Variants in CPNE8 observed in about 807,000 individuals in gnomAD.
The protein encoded by CPNE8 is copine 8.
Under a neutral mutation model 81.5 loss-of-function variants are expected in CPNE8, and 45 were observed. The observed-to-expected ratio is 0.55, with a 90% confidence interval of 0.44 to 0.71. The LOEUF (loss-of-function observed/expected upper bound fraction) is 0.71. Among genes scored for constraint, CPNE8 ranks in the 30% least tolerant of loss-of-function variants. The pLI is 0.00. For missense variants in CPNE8, 594 were observed against 672.1 expected, an observed-to-expected ratio of 0.88 and a Z score of 1.28; for synonymous variants, 252 against 226.3, an observed-to-expected ratio of 1.11 and a Z score of -1.02.
At chr12:38,849,277 G>A (rs1416608259) in intron 3 of CPNE8, among the ~76,000 whole-genome samples, 2 of 152,116 alleles carry the variant, frequency 1.3e-5, no homozygotes, top group Non-Finnish European at 2.9e-5. Context: ...TTAGAAAAGT[G>A]GAAAACAGGA....
intron 13 of CPNE8, among the ~76,000 whole-genome samples, chr12:38,704,919 T>G (rs1203885660): frequency 7.1e-6 from 1 of 140,844 alleles, no homozygotes; most frequent in African/African-American, 2.6e-5. Context: ...TAGTTTAGTT[T>G]TTTTTTTTTT....
chr12:38,850,096 C>T (rs1363885530), intron 3 of CPNE8, among the ~76,000 whole-genome samples: 3 of 152,052 alleles, frequency 2.0e-5, no homozygotes, highest in Non-Finnish European at 1.5e-5. Context: ...ACCCAAATAA[C>T]CAGGGGCTGG....
chr12:38,815,923 A>G (rs1943016206), intron 6 of CPNE8, among the ~76,000 whole-genome samples: 1 of 152,206 alleles, frequency 6.6e-6, no homozygotes, highest in Non-Finnish European at 1.5e-5. Context: ...TTAAAAATAA[A>G]CAATTATTGA....
At chr12:38,763,493 C>T (rs993161117) in intron 8 of CPNE8, among the ~76,000 whole-genome samples, 1 of 152,170 alleles carries the variant, frequency 6.6e-6, no homozygotes, top group African/African-American at 2.4e-5. Context: ...ATAGAAAGAC[C>T]ATTTAGTGTG....
At chr12:38,697,768 G>A (rs969398656) in intron 14 of CPNE8, among the ~76,000 whole-genome samples, 5 of 151,922 alleles carry the variant, frequency 3.3e-5, no homozygotes, top group African/African-American at 9.7e-5. Flanking sequence ...GTTAGTTCAC[G>A]TGAGAGGTGG....
chr12:38,696,690 A>G (rs188133583), intron 14 of CPNE8, among the ~76,000 whole-genome samples: 259 of 152,324 alleles, frequency 1.7e-3, no homozygotes, highest in African/African-American at 5.9e-3. Context: ...TCACAGTTCA[A>G]TAGAATATTT....
intron 6 of CPNE8, among the ~76,000 whole-genome samples, chr12:38,785,853 G>T (rs996444890): frequency 2.0e-5 from 3 of 152,002 alleles, no homozygotes; most frequent in Non-Finnish European, 4.4e-5. Flanking sequence ...CTGAAATAAT[G>T]AGTTATAAGA....
chr12:38,762,987 T>C (rs1176433048), intron 8 of CPNE8, among the ~76,000 whole-genome samples: 2 of 152,124 alleles, frequency 1.3e-5, no homozygotes, highest in African/African-American at 4.8e-5. Flanking sequence ...GCTTTCCGAG[T>C]AGCTGGGATT....
At chr12:38,852,113 T>A (rs1226105959) in intron 3 of CPNE8, among the ~76,000 whole-genome samples, 1 of 152,110 alleles carries the variant, frequency 6.6e-6, no homozygotes, top group Non-Finnish European at 1.5e-5. Context: ...ATAAAACTTA[T>A]ATTTTGCTAC....
chr12:38,820,814 A>G (rs1301599953), intron 6 of CPNE8, among the ~76,000 whole-genome samples: 2 of 152,192 alleles, frequency 1.3e-5, no homozygotes, highest in Non-Finnish European at 2.9e-5. Context: ...CCCATCTACT[A>G]CTAAAGCTCA....
intron 2 of CPNE8, among the ~76,000 whole-genome samples, chr12:38,873,590 C>T (rs1218587513): frequency 6.6e-6 from 1 of 152,096 alleles, no homozygotes; most frequent in African/African-American, 2.4e-5. Context: ...AGTGTCCCAC[C>T]CACTTGTCAA....
intron 6 of CPNE8, among the ~76,000 whole-genome samples, chr12:38,797,464 T>C (rs995518758): frequency 6.6e-6 from 1 of 151,942 alleles, no homozygotes; most frequent in Non-Finnish European, 1.5e-5. Context: ...TCCAGCAAAC[T>C]CCAACAGACC....
chr12:38,704,367 T>C (rs1306934796), intron 13 of CPNE8, among the ~76,000 whole-genome samples: 5 of 152,160 alleles, frequency 3.3e-5, no homozygotes, highest in Non-Finnish European at 7.3e-5. Flanking sequence ...TGTTTGTGTG[T>C]ATATGTATGT....
chr12:38,703,473 G>A (rs994937281), intron 13 of CPNE8, among the ~76,000 whole-genome samples: 1 of 151,990 alleles, frequency 6.6e-6, no homozygotes, highest in Non-Finnish European at 1.5e-5. Context: ...AATAAGGGCC[G>A]TCTATGACAA....
At chr12:38,809,084 C>G (rs1423694837) in intron 6 of CPNE8, among the ~76,000 whole-genome samples, 1 of 152,134 alleles carries the variant, frequency 6.6e-6, no homozygotes, top group Admixed American at 6.6e-5. Flanking sequence ...TAATAAATTT[C>G]AAGCTGCTTA....
intron 10 of CPNE8, among the ~76,000 whole-genome samples, chr12:38,757,225 TTAA>T (rs1214804831): frequency 4.6e-5 from 7 of 152,006 alleles, no homozygotes; most frequent in Admixed American, 1.3e-4. Flanking sequence ...AGGACAAATA[TTAA>T]TGATGACAGG....
chr12:38,670,210 T>C (rs1454857724), intron 19 of CPNE8, among the ~76,000 whole-genome samples: 1 of 152,204 alleles, frequency 6.6e-6, no homozygotes, highest in Non-Finnish European at 1.5e-5. Flanking sequence ...TTTGATACCA[T>C]GTGCTTAAAT....
At chr12:38,879,196 T>G (rs1304649104) in intron 1 of CPNE8, among the ~76,000 whole-genome samples, 1 of 152,138 alleles carries the variant, frequency 6.6e-6, no homozygotes, top group African/African-American at 2.4e-5. Context: ...AGCCATAGTT[T>G]GCCCCATTTG....
In CPNE8 at chr12:38,782,783, C is replaced by A. The variant is rs536710704; in HGVS notation, c.408-6482G>T. On this transcript the variant is annotated intron_variant, in intron 6 of 19. Coordinates refer to ENST00000331366, the MANE Select transcript of CPNE8 (RefSeq NM_153634.3). ...TAAGCCTCAAATTCCTGGACTCAAG[C>A]AATCTTCCCATCTCAGCCTTCCAAG... Among the ~76,000 whole-genome samples, 8 of 151,980 alleles carry A rather than the reference C, an allele frequency of 5.3e-5. No homozygotes were observed. The South Asian group carries it at 1.5e-3, about 28-fold the overall frequency.
Sources: allele counts gnomAD v4.1 joint callset (sites outside exome capture counted in the v4.1 genomes callset), GRCh38; gene constraint gnomAD v4.1.1; transcripts MANE v1.5; gene names NCBI Gene and HGNC (gene_info 2026-07-23, HGNC 2026-07-21).